Variants in PYHIN1 observed in about 807,000 individuals in gnomAD.
The protein encoded by PYHIN1 is pyrin and HIN domain family member 1, also known as pyrin and HIN domain-containing protein 1.
A neutral mutation model predicts 43.7 loss-of-function variants in PYHIN1; 32 were observed. The ratio of observed to expected loss-of-function variants is 0.73; its 90% CI spans 0.55 to 0.98. The LOEUF (loss-of-function observed/expected upper bound fraction) is 0.98, where lower values mean the gene tolerates loss of function less well. Ranked by LOEUF, PYHIN1 falls within the 50% of genes least tolerant of loss-of-function variation. The pLI is 0.00. For missense variants in PYHIN1, 588 were observed against 589.5 expected (o/e 1.00, Z 0.03); for synonymous variants, 205 against 203.1 (o/e 1.01, Z -0.08).
Position 158,931,694 on chromosome 1 carries a change from T to C in PYHIN1, c.-103T>C, listed in dbSNP as rs1482165798. On this transcript the variant is annotated 5_prime_UTR_variant, in exon 1 of 9. Coordinates refer to ENST00000368140, the MANE Select transcript of PYHIN1 (RefSeq NM_152501.5). ...AGTTTCTGAGAGCTTTACTGACTGA[T>C]TTCCCTATTCAAAACAATCCTCATT... is the stretch of plus-strand genomic sequence containing the variant. The C allele has an allele frequency of 1.3e-5, 2 of 152,232 alleles. No individual in the cohort carries two copies. Among genetic ancestry groups the C allele is most frequent in the Admixed American group, 6.5e-5 (1 of 15,276 alleles). The allele number at this position is 152,232 out of a possible 1,614,324, so 9.4% of individuals were successfully genotyped here.
rs1186005983 is a variant in PYHIN1 at position 158,976,779 on chromosome 1, C to T, written c.*84C>T. On this transcript the variant is annotated 3_prime_UTR_variant, in exon 9 of 9. Transcript: ENST00000368140. ...GGAAATTTTGCCTGAAGTCCTCCAC[C>T]TAAAAACCTGATGCCATTGGTAATG... 1 of 1,365,252 alleles carries T rather than the reference C, an allele frequency of 7.3e-7. No individual in the cohort carries two copies. Among genetic ancestry groups the T allele is most frequent in the East Asian group, 2.3e-5 (1 of 43,032 alleles). The allele number at this position is 1,365,252 out of a possible 1,614,324, so 84.6% of individuals were successfully genotyped here. A position where few individuals can be genotyped will look rare whatever the true frequency, so the allele number is the denominator to read the frequency against.
chr1:158,942,101 AAAG>A lies in PYHIN1; in HGVS notation c.710_712del (p.Arg237del). 6.2e-7 allele frequency: 1 copy of A among 1,614,188 alleles called. No homozygotes were observed. The highest frequency in any genetic ancestry group is 8.5e-7 in the Non-Finnish European group (1 of 1,180,012). On this transcript the variant is annotated inframe_deletion, in exon 5 of 9. Transcript: ENST00000368140. ...AAATATGAATCCTCAGAAAATGAGC[AAAG>A]AAGAATGTTTCATGCTACAGTGGCT...
intron 1 of PYHIN1, among the ~76,000 whole-genome samples, chr1:158,935,787 A>C (rs1185280354): frequency 6.6e-6 from 1 of 152,130 alleles, no homozygotes; most frequent in Non-Finnish European, 1.5e-5. Flanking sequence ...AAGAAACAAC[A>C]GGCAGGTTTT....
chr1:158,968,943 G>T (rs1390589240), intron 7 of PYHIN1, among the ~76,000 whole-genome samples: 1 of 151,776 alleles, frequency 6.6e-6, no homozygotes, highest in Non-Finnish European at 1.5e-5. Flanking sequence ...ATTCTTAGTG[G>T]GTATCAAGCT....
chr1:158,970,807 G>A (rs1363883003), intron 7 of PYHIN1, among the ~76,000 whole-genome samples: 2 of 151,932 alleles, frequency 1.3e-5, no homozygotes, highest in Non-Finnish European at 2.9e-5. Context: ...CTGAAGTAAA[G>A]CTGTGTTTAT....
chr1:158,981,924 T>C (rs1651496825), downstream of PYHIN1, among the ~76,000 whole-genome samples: 1 of 152,228 alleles, frequency 6.6e-6, no homozygotes, highest in Non-Finnish European at 1.5e-5. Flanking sequence ...ACATGCTTGT[T>C]AGTTGCATGG....
chr1:158,945,003 G>A lies in PYHIN1; in HGVS notation c.1320G>A (p.Gln440=). ...TLPESHLKTP[Q]MPPTTPSSSS... is the part of the protein sequence containing the mutation. ...CTGAAAGCCATCTCAAGACTCCTCA[G>A]ATGCCACCAACAACCCCATCCAGCA... The change falls in exon 7 of 9, where the codon CAG becomes CAA. Residue 440 remains glutamine (Q), a synonymous_variant. Coordinates refer to ENST00000368140, the MANE Select transcript of PYHIN1 (RefSeq NM_152501.5). 3 of 1,613,786 alleles carry A rather than the reference G, an allele frequency of 1.9e-6. No homozygotes were observed. The highest frequency in any genetic ancestry group is 2.5e-6 in the Non-Finnish European group (3 of 1,179,808).
chr1:158,938,637 CAT>C (rs1648712368), intron 3 of PYHIN1, 95 bp downstream of exon 3: 2 of 1,252,030 alleles, frequency 1.6e-6, no homozygotes, highest in Non-Finnish European at 2.2e-6. Flanking sequence ...GTTATTTCTT[CAT>C]ATGTTTCCCA....
chr1:158,952,610 TC>T (rs1200512759), intron 7 of PYHIN1, among the ~76,000 whole-genome samples: 6 of 152,022 alleles, frequency 3.9e-5, no homozygotes, highest in Non-Finnish European at 8.8e-5. Context: ...AGGTGATGGT[TC>T]CTCCTCCTTC....
chr1:158,954,713 C>G lies in PYHIN1; in HGVS notation c.1359+9671C>G, dbSNP rs12058785. Among the ~76,000 whole-genome samples, 985 of 148,862 alleles carry G rather than the reference C, an allele frequency of 6.6e-3. 10 individuals are homozygous for G. Among genetic ancestry groups the G allele is most frequent in the African/African-American group, 0.023 (934 of 40,242 alleles). On this transcript the variant is annotated intron_variant, in intron 7 of 8. Coordinates refer to ENST00000368140, the MANE Select transcript of PYHIN1 (RefSeq NM_152501.5). The stretch of plus-strand genomic sequence containing the variant: ...ATCAACTAACGAGCAAAATCACCAG[C>G]TAACATCATAATGACAGGATCAAAT...
chr1:158,964,026 A>G (rs1650478505), intron 7 of PYHIN1, among the ~76,000 whole-genome samples: 1 of 152,204 alleles, frequency 6.6e-6, no homozygotes, highest in Non-Finnish European at 1.5e-5. Context: ...AAAAATGGCC[A>G]TCATAAAAAA....
At chr1:158,962,047 G>C (rs933928773) in intron 7 of PYHIN1, among the ~76,000 whole-genome samples, 2 of 152,226 alleles carry the variant, frequency 1.3e-5, no homozygotes, top group Admixed American at 6.5e-5. Context: ...CCCCCAGAGG[G>C]AGAGGAAGCC....
At chr1:158,959,643 C>T (rs1486859716) in intron 7 of PYHIN1, among the ~76,000 whole-genome samples, 1 of 152,206 alleles carries the variant, frequency 6.6e-6, no homozygotes, top group Non-Finnish European at 1.5e-5. Flanking sequence ...TGAATTACCA[C>T]AGGTACCCAC....
At chr1:158,973,320 G>A (rs1313383849) in intron 7 of PYHIN1, among the ~76,000 whole-genome samples, 1 of 151,984 alleles carries the variant, frequency 6.6e-6, no homozygotes, top group Non-Finnish European at 1.5e-5. Context: ...GGATCAGTAA[G>A]CAGGCAGTCA....
intron 7 of PYHIN1, among the ~76,000 whole-genome samples, chr1:158,961,785 C>T (rs895388005): frequency 6.6e-6 from 1 of 152,142 alleles, no homozygotes; most frequent in African/African-American, 2.4e-5. Flanking sequence ...ACCACTCAGG[C>T]ATACAAGGAA....
chr1:158,969,877 A>G (rs1472278627), intron 7 of PYHIN1, among the ~76,000 whole-genome samples: 1 of 151,924 alleles, frequency 6.6e-6, no homozygotes, highest in Non-Finnish European at 1.5e-5. Flanking sequence ...ATAATTTTAG[A>G]AAGAGGCATG....
At chr1:158,980,099 T>A (rs1277024448), downstream of PYHIN1, among the ~76,000 whole-genome samples, 1 of 152,194 alleles carries the variant, frequency 6.6e-6, no homozygotes, top group Non-Finnish European at 1.5e-5. Context: ...ATGGAGGGAC[T>A]GGCTGGAGCC....
At chr1:158,969,413 A>G (rs755088103) in intron 7 of PYHIN1, among the ~76,000 whole-genome samples, 2 of 152,048 alleles carry the variant, frequency 1.3e-5, no homozygotes, top group African/African-American at 2.4e-5. Flanking sequence ...CCAATCTAGT[A>G]TCTTACCCAT....
intron 7 of PYHIN1, among the ~76,000 whole-genome samples, chr1:158,966,522 A>G (rs557381044): frequency 6.6e-6 from 1 of 152,200 alleles, no homozygotes; most frequent in South Asian, 2.1e-4. Flanking sequence ...AGCTAGTCCA[A>G]CACAATCAAG....
Sources: allele counts gnomAD v4.1 joint callset (sites outside exome capture counted in the v4.1 genomes callset), GRCh38; gene constraint gnomAD v4.1.1; transcripts MANE v1.5; gene names NCBI Gene and HGNC (gene_info 2026-07-23, HGNC 2026-07-21).